KLC3: variants seen among roughly 807,000 people sequenced by gnomAD.
KLC3 encodes the protein kinesin light chain 2.
A neutral mutation model predicts 62.9 loss-of-function variants in KLC3; 72 were observed. The ratio of observed to expected loss-of-function variants is 1.15; its 90% CI spans 0.95 to 1.39. The LOEUF (loss-of-function observed/expected upper bound fraction) is 1.39. Ranked by LOEUF, KLC3 falls within the 40% of genes most tolerant of loss-of-function variation. KLC3 has a pLI of 0.00. For synonymous variants in KLC3, 377 were observed against 300.5 expected (o/e 1.25, Z -2.63); for missense variants, 848 against 691.6 (o/e 1.23, Z -2.54).
chr19:45,349,750 G>A, intron 8 of KLC3, 148 bp downstream of exon 8: 1 of 737,280 alleles, frequency 1.4e-6, no homozygotes, highest in Non-Finnish European at 2.1e-6. Context: ...CACAGGAGCT[G>A]GCTCAGCACA....
In KLC3 at chr19:45,346,534, C is replaced by T. The variant is rs150063439; in HGVS notation, c.259-10C>T. The T allele has an allele frequency of 6.1e-4, 925 of 1,519,710 alleles. 7 individuals are homozygous for T. In the African/African-American group the frequency reaches 0.012, roughly 19 times the overall value. The allele number at this position is 1,519,710 out of a possible 1,614,324, so 94.1% of individuals were successfully genotyped here. On this transcript the variant is annotated splice_polypyrimidine_tract_variant and intron_variant, in intron 2 of 12. Transcript: ENST00000391946. Reference sequence around the variant, plus strand: ...AACCAACCTCGACTTGGGACCCCCACCCCGGGCAGGTGCTGCTGGCCCTGT... The same window carrying T: ...AACCAACCTCGACTTGGGACCCCCATCCCGGGCAGGTGCTGCTGGCCCTGT...
chr19:45,348,235 T>TGACAGAGGGGGCACCAG, intron 5 of KLC3, 75 bp downstream of exon 5: 1 of 1,333,640 alleles, frequency 7.5e-7, no homozygotes, highest in Non-Finnish European at 1.0e-6. Flanking sequence ...AGGATCCTGG[T>TGACAGAGGGGGCACCAG]GCCCCCTCTG....
intron 8 of KLC3, 94 bp downstream of exon 8, chr19:45,349,696 T>TGGGGGGGG: frequency 2.9e-6 from 2 of 689,044 alleles, no homozygotes; most frequent in South Asian, 6.4e-5. Flanking sequence ...AACGTGAGGG[T>TGGGGGGGG]GGGGGGGGGC....
chr19:45,341,973 C>G (rs10416849), intron 1 of KLC3, among the ~76,000 whole-genome samples: 73,673 of 151,482 alleles, frequency 0.49, 19,357 homozygotes, highest in African/African-American at 0.67. Flanking sequence ...GTGTGTGGGA[C>G]TGTGCCTATG....
At chr19:45,348,186 G>A (rs1971554430) in intron 5 of KLC3, 26 bp downstream of exon 5, 1 of 1,546,096 alleles carries the variant, frequency 6.5e-7, no homozygotes, top group Non-Finnish European at 8.8e-7. Context: ...AGCCATGGCT[G>A]GGGGCAGGAA....
intron 3 of KLC3, 152 bp from the exon 4 acceptor site, chr19:45,347,295 T>C (rs1432772002): frequency 6.8e-6 from 4 of 588,278 alleles, no homozygotes; most frequent in African/African-American, 6.1e-5. Context: ...TGAGCCAAGA[T>C]CGCACCATTG....
intron 1 of KLC3, among the ~76,000 whole-genome samples, chr19:45,342,568 C>T (rs757177014): frequency 6.6e-5 from 10 of 152,096 alleles, no homozygotes; most frequent in Non-Finnish European, 1.5e-4. Context: ...GAGTTTGAGA[C>T]CAGCCCGGCC....
chr19:45,349,701 G>GGGGGC, intron 8 of KLC3, 99 bp downstream of exon 8: 1 of 807,904 alleles, frequency 1.2e-6, no homozygotes, highest in Non-Finnish European at 1.8e-6. Context: ...GAGGGTGGGG[G>GGGGGC]GGGGCCCCCC....
Position 45,348,150 on chromosome 19 carries a change from C to G in KLC3, c.769C>G (p.Leu257Val). Residue 257 changes from leucine to valine, a missense_variant, in exon 5 of 13, where the codon CTG becomes GTG. Leu to Val is a conservative substitution (Grantham distance 32, BLOSUM62 1). Coordinates refer to ENST00000391946, the MANE Select transcript of KLC3 (RefSeq NM_177417.3). ...DVATMLNILA[L>V]VYRDQNKYKE... ...GGCCACCATGCTCAACATCCTGGCG[C>G]TGGTGTACCGGTGAGCACTGCGGCC... is the stretch of plus-strand genomic sequence containing the variant. 1 of 1,590,814 alleles carries G rather than the reference C, an allele frequency of 6.3e-7. No homozygotes were observed. Among genetic ancestry groups the G allele is most frequent in the Non-Finnish European group, 8.6e-7 (1 of 1,167,992 alleles).
chr19:45,346,304 C>A (rs1971489027), intron 2 of KLC3, among the ~76,000 whole-genome samples: 1 of 152,090 alleles, frequency 6.6e-6, no homozygotes, highest in Non-Finnish European at 1.5e-5. Flanking sequence ...GACAGGGACC[C>A]CTGAACCAGA....
intron 1 of KLC3, among the ~76,000 whole-genome samples, chr19:45,343,840 CCTTT>C (rs35251178): frequency 0.27 from 41,618 of 151,434 alleles, 6,229 homozygotes; most frequent in South Asian, 0.34. Flanking sequence ...ATTATGCTGT[CCTTT>C]CTTTCTTTCT....
At chr19:45,345,854 G>A in intron 2 of KLC3, 55 bp downstream of exon 2, 1 of 1,495,658 alleles carries the variant, frequency 6.7e-7, no homozygotes, top group Non-Finnish European at 8.9e-7. Flanking sequence ...GCGGAGGGAG[G>A]GCCAGGCATG....
chr19:45,342,062 G>A (rs773703520), intron 1 of KLC3, among the ~76,000 whole-genome samples: 5 of 152,094 alleles, frequency 3.3e-5, no homozygotes, highest in Non-Finnish European at 7.4e-5. Flanking sequence ...CAGCCCGAGT[G>A]CTGGATGGCT....
At position 45,348,750 on chromosome 19, in the gene KLC3, G is replaced by A. The variant is rs757622564; in HGVS notation, c.867+17G>A. The A allele has an allele frequency of 6.4e-5, 100 of 1,572,638 alleles. No homozygotes were observed. Among genetic ancestry groups the A allele is most frequent in the Non-Finnish European group, 8.6e-5 (100 of 1,158,994 alleles). On this transcript the variant is annotated intron_variant, in intron 6 of 12. Transcript: ENST00000391946. ...CACCCCGCGGTGAGTGGGGCCCCAG[G>A]GAGACGAAGTGGGGTCAAAGTGGGG...
intron 7 of KLC3, 24 bp from the exon 8 acceptor site, chr19:45,349,401 CCTCT>C: frequency 6.3e-7 from 1 of 1,581,804 alleles, no homozygotes; most frequent in Non-Finnish European, 8.6e-7. Context: ...CTGTATGATC[CCTCT>C]GACTTGTGAC....
intron 12 of KLC3, 115 bp downstream of exon 12, chr19:45,351,132 A>G: frequency 6.2e-7 from 1 of 1,603,064 alleles, no homozygotes; most frequent in Non-Finnish European, 8.5e-7. Context: ...GGTTGGTGTC[A>G]GAAGAGACCC....
intron 3 of KLC3, chr19:45,347,018 C>A: frequency 2.0e-6 from 1 of 500,132 alleles, no homozygotes; most frequent in Non-Finnish European, 3.5e-6. Flanking sequence ...CCCCAGGGGG[C>A]CTCTGACGCT....
At position 45,351,352 on chromosome 19, in the gene KLC3, C is replaced by G. The variant is rs561464436; in HGVS notation, c.1510C>G (p.His504Asp). The change falls in exon 13 of 13, where the codon CAC (histidine) becomes GAC (aspartate). Residue 504 changes from histidine (H) to aspartate (D), a missense_variant. Physicochemically the swap from His to Asp is moderately conservative, Grantham distance 81. Transcript: ENST00000391946. ...LSASTQDLSP[H>D] ...CGCCAGCACCCAGGACCTGAGCCCC[C>G]ACTAACGTCCAGTGAACTGCGCTGG... The G allele has an allele frequency of 1.9e-6, 3 of 1,610,938 alleles. No homozygotes were observed. Among genetic ancestry groups the G allele is most frequent in the African/African-American group, 2.7e-5 (2 of 75,010 alleles).
At chr19:45,342,106 A>G (rs112537210) in intron 1 of KLC3, among the ~76,000 whole-genome samples, 3 of 152,118 alleles carry the variant, frequency 2.0e-5, no homozygotes, top group African/African-American at 4.8e-5. Flanking sequence ...GTGGTTGTCA[A>G]TCTGGCTGTG....
Sources: gnomAD v4.1 joint callset for allele counts (sites outside exome capture counted in the v4.1 genomes callset) on GRCh38, gnomAD v4.1.1 for gene constraint, MANE v1.5 for transcripts, NCBI Gene and HGNC (gene_info 2026-07-23, HGNC 2026-07-21) for gene names.